The following MAP4K3 variants were observed in gnomAD, a reference collection of about 807,000 sequenced individuals.
MAP4K3 encodes the protein mitogen-activated protein kinase kinase kinase kinase 3.
In MAP4K3, 94 loss-of-function variants were observed where a neutral mutation model predicts 143.5. The ratio of observed to expected loss-of-function variants is 0.65; its 90% CI spans 0.55 to 0.78. MAP4K3 has a LOEUF of 0.78. Among genes scored for constraint, MAP4K3 ranks in the 30% least tolerant of loss-of-function variants. The pLI is 0.00. For missense variants in MAP4K3, 1,077 were observed against 1,068.1 expected (o/e 1.01, Z -0.12); for synonymous variants, 416 against 347.2 (o/e 1.20, Z -2.20).
chr2:39,283,605 T>G (rs1681634742), intron 21 of MAP4K3: 1 of 152,234 alleles, frequency 6.6e-6, no homozygotes, highest in African/African-American at 2.4e-5. Context: ...TGAGTTTTGC[T>G]AAGTGAAGTT....
Position 39,290,299 on chromosome 2 carries a change from G to A in MAP4K3, c.1307C>T (p.Pro436Leu). 1 of 1,606,424 alleles carries A rather than the reference G, an allele frequency of 6.2e-7. No individual in the cohort carries two copies. Among genetic ancestry groups the A allele is most frequent in the Non-Finnish European group, 8.5e-7 (1 of 1,176,504 alleles). The change falls in exon 19 of 34, where the codon CCA becomes CTA. Residue 436 changes from proline to leucine, a missense_variant. This residue lies in a region of MAP4K3 where 864 missense variants were observed against 801.2 expected (regional missense o/e 1.08). Transcript: ENST00000263881. ...TLKAKIPPPL[P>L]PKPKSIFIPQ... is the part of the protein sequence containing the mutation. ...AAAAATAAATCTGTCTACCTTTGGT[G>A]GCAAAGGAGGTGGAATTTTTGCTTT...
At chr2:39,413,145 C>T (rs1667275516) in intron 1 of MAP4K3, among the ~76,000 whole-genome samples, 1 of 152,160 alleles carries the variant, frequency 6.6e-6, no homozygotes, top group African/African-American at 2.4e-5. Flanking sequence ...TAAAGAAATT[C>T]ATCAAAGCTT....
intron 15 of MAP4K3, among the ~76,000 whole-genome samples, chr2:39,301,928 G>A (rs1247360961): frequency 6.6e-6 from 1 of 152,022 alleles, no homozygotes; most frequent in Non-Finnish European, 1.5e-5. Context: ...GGAGGCTGAG[G>A]CAGGAGAATC....
At chr2:39,258,777 A>T (rs540942996) in intron 29 of MAP4K3, among the ~76,000 whole-genome samples, 190 bp from the exon 30 acceptor site, 1 of 152,384 alleles carries the variant, frequency 6.6e-6, no homozygotes, top group South Asian at 2.1e-4. Context: ...TAAGTGCTCA[A>T]CAGAGCATAT....
intron 12 of MAP4K3, among the ~76,000 whole-genome samples, chr2:39,321,990 C>T (rs1683325266): frequency 6.6e-6 from 1 of 152,196 alleles, no homozygotes; most frequent in Non-Finnish European, 1.5e-5. Flanking sequence ...TGGCGGGATC[C>T]TCCATATGTT....
chr2:39,341,014 C>G (rs2888594), intron 4 of MAP4K3, among the ~76,000 whole-genome samples: 120,035 of 152,024 alleles, frequency 0.79, 49,955 homozygotes, highest in Non-Finnish European at 0.92. Flanking sequence ...TATTTGAAGA[C>G]ATAATAATTG....
At chr2:39,342,143 A>G (rs866652437) in intron 4 of MAP4K3, among the ~76,000 whole-genome samples, 2 of 83,842 alleles carry the variant, frequency 2.4e-5, no homozygotes, top group Admixed American at 1.1e-4. Flanking sequence ...TATTATTATT[A>G]TTATTATTAT....
chr2:39,305,627 C>T (rs1334793698), intron 15 of MAP4K3, among the ~76,000 whole-genome samples: 1 of 152,028 alleles, frequency 6.6e-6, no homozygotes, highest in Non-Finnish European at 1.5e-5. Flanking sequence ...CCTCTTCTGC[C>T]CGAACTAACC....
intron 1 of MAP4K3, among the ~76,000 whole-genome samples, chr2:39,380,700 TCTTGA>T (rs1666335671): frequency 6.6e-6 from 1 of 152,138 alleles, no homozygotes. Context: ...ATCATGCTGT[TCTTGA>T]CTTATAACTC....
chr2:39,407,162 T>C (rs1208832111), intron 1 of MAP4K3, among the ~76,000 whole-genome samples: 1 of 151,832 alleles, frequency 6.6e-6, no homozygotes, highest in Non-Finnish European at 1.5e-5. Context: ...GTAAATAAAA[T>C]CTAAAATCTG....
chr2:39,351,636 T>A (rs999884026), intron 3 of MAP4K3, among the ~76,000 whole-genome samples: 1 of 152,226 alleles, frequency 6.6e-6, no homozygotes, highest in African/African-American at 2.4e-5. Context: ...AGTATGCTCA[T>A]CTAAACTAGT....
rs1333800042 is a variant in MAP4K3 at position 39,383,174 on chromosome 2, T to C, written c.97-5051A>G. 3.3e-5 allele frequency among the ~76,000 whole-genome samples: 5 copies of C among 152,168 alleles called. No homozygotes were observed. In the East Asian group the frequency reaches 5.8e-4, roughly 18 times the overall value. On this transcript the variant is annotated intron_variant, in intron 1 of 33. Coordinates refer to ENST00000263881, the MANE Select transcript of MAP4K3 (RefSeq NM_003618.4). ...TTTGTTCTCATGCTGCTTTAAGGAATTGCCTGCGACTCGGTAATTTATAAA... is the reference window on the plus strand; with the variant it reads ...TTTGTTCTCATGCTGCTTTAAGGAACTGCCTGCGACTCGGTAATTTATAAA...
At chr2:39,252,620 C>G (rs963884119) in intron 32 of MAP4K3, among the ~76,000 whole-genome samples, 1 of 152,202 alleles carries the variant, frequency 6.6e-6, no homozygotes, top group African/African-American at 2.4e-5. Flanking sequence ...GAGAAACCAA[C>G]TATTCACAGC....
At chr2:39,409,772 T>C (rs753443019) in intron 1 of MAP4K3, among the ~76,000 whole-genome samples, 2 of 152,232 alleles carry the variant, frequency 1.3e-5, no homozygotes, top group Non-Finnish European at 2.9e-5. Flanking sequence ...ATATTCTACA[T>C]GGAATCTCTG....
chr2:39,286,510 G>C (rs1681783832), intron 21 of MAP4K3, among the ~76,000 whole-genome samples: 1 of 152,122 alleles, frequency 6.6e-6, no homozygotes, highest in African/African-American at 2.4e-5. Context: ...AAACTATCAA[G>C]AATCAATTAT....
chr2:39,356,425 G>A (rs866782147), intron 2 of MAP4K3, 86 bp from the exon 3 acceptor site: 26 of 709,884 alleles, frequency 3.7e-5, no homozygotes, highest in Middle Eastern at 2.7e-4. Context: ...ATAATTATAC[G>A]TATTAATAAG....
At chr2:39,338,056 C>T (rs1161776428) in intron 4 of MAP4K3, among the ~76,000 whole-genome samples, 1 of 151,968 alleles carries the variant, frequency 6.6e-6, no homozygotes, top group Non-Finnish European at 1.5e-5. Context: ...AGCCACTGTG[C>T]CCAGCCAATT....
At chr2:39,292,723 C>A in intron 18 of MAP4K3, 50 bp downstream of exon 18, 2 of 1,436,024 alleles carry the variant, frequency 1.4e-6, no homozygotes, top group South Asian at 2.3e-5. Flanking sequence ...TTGATGAAAT[C>A]AGGTCAAATG....
chr2:39,269,986 A>C (rs925383211), intron 26 of MAP4K3, among the ~76,000 whole-genome samples: 2 of 152,194 alleles, frequency 1.3e-5, no homozygotes, highest in Non-Finnish European at 2.9e-5. Context: ...TTTGAACCAA[A>C]GCGCTTTTTA....
Sources: gnomAD v4.1 joint callset for allele counts (sites outside exome capture counted in the v4.1 genomes callset) on GRCh38, gnomAD v4.1.1 for gene constraint, gnomAD v4.1.1 regional missense constraint, MANE v1.5 for transcripts, NCBI Gene and HGNC (gene_info 2026-07-23, HGNC 2026-07-21) for gene names.